HERC4: variants seen among roughly 807,000 people sequenced by gnomAD.
The protein encoded by HERC4 is HECT and RLD domain containing E3 ubiquitin protein ligase 4, also known as probable E3 ubiquitin-protein ligase HERC4.
Under a neutral mutation model 124.3 loss-of-function variants are expected in HERC4, and 28 were observed. The observed-to-expected ratio is 0.23, with a 90% CI of 0.17 to 0.31. The LOEUF is 0.31. Among genes scored for constraint, HERC4 ranks in the 10% least tolerant of loss-of-function variants. The pLI, the probability that HERC4 is intolerant of heterozygous loss-of-function variation, is 1.00. For synonymous variants in HERC4, 407 were observed against 421.5 expected, an observed-to-expected ratio of 0.97 and a Z score of 0.42; for missense variants, 713 against 1,229.3, an observed-to-expected ratio of 0.58 and a Z score of 6.28.
intron 15 of HERC4, among the ~76,000 whole-genome samples, chr10:67,976,734 T>G (rs998387969): frequency 1.3e-5 from 2 of 152,174 alleles, no homozygotes; most frequent in African/African-American, 4.8e-5. Context: ...AGCATTTCTG[T>G]GCACCGGGGA....
intron 16 of HERC4, among the ~76,000 whole-genome samples, chr10:67,963,431 G>A (rs949871617): frequency 6.6e-6 from 1 of 152,096 alleles, no homozygotes; most frequent in Non-Finnish European, 1.5e-5. Context: ...TGGCCAGACT[G>A]GTCTAGAACT....
At chr10:68,066,031 A>AT (rs1822671364) in intron 3 of HERC4, among the ~76,000 whole-genome samples, 1 of 152,126 alleles carries the variant, frequency 6.6e-6, no homozygotes, top group South Asian at 2.1e-4. Flanking sequence ...CCATGAGCTC[A>AT]TTAATATAGT....
At chr10:67,985,757 G>A (rs1326473937) in intron 15 of HERC4, among the ~76,000 whole-genome samples, 2 of 152,128 alleles carry the variant, frequency 1.3e-5, no homozygotes, top group African/African-American at 2.4e-5. Flanking sequence ...AGGTACCAAA[G>A]GTATTTTCTT....
intron 3 of HERC4, among the ~76,000 whole-genome samples, chr10:68,048,388 T>G (rs375033055): frequency 2.6e-5 from 4 of 152,232 alleles, no homozygotes; most frequent in South Asian, 4.1e-4. Context: ...GAAATTTACT[T>G]AATAGTAAAA....
rs527596680 is a variant in HERC4, at chr10:67,996,988, GAAAAAAAAAAGA to G, written c.1070-4318_1070-4307del. On this transcript the variant is annotated intron_variant, in intron 9 of 24. Coordinates refer to ENST00000373700, the MANE Select transcript of HERC4 (RefSeq NM_015601.4). The stretch of plus-strand genomic sequence containing the variant: ...GGGTGACAGAGCAAGACTCCGTCTC[GAAAAAAAAAAGA>G]AAAAAAAAGAAAATCATTATGACTT... Among the ~76,000 whole-genome samples the G allele has an allele frequency of 8.5e-3, 1,216 of 143,462 alleles. 7 individuals carry two copies. Among genetic ancestry groups the G allele is most frequent in the Non-Finnish European group, 0.013 (877 of 66,646 alleles). 94.1% of individuals were successfully genotyped at this position (143,462 alleles called of 152,430 possible).
In HERC4 at chr10:67,943,121, C is replaced by G. The variant is rs184467000; in HGVS notation, c.2338-2016G>C. ...GTCATATTTGTTACATACAACCCAG[C>G]CTGTTACATGCTTTTCAATTTTATG... On this transcript the variant is annotated intron_variant, in intron 19 of 24. Transcript: ENST00000373700. Among the ~76,000 whole-genome samples the G allele has an allele frequency of 7.2e-5, 11 of 152,260 alleles. No homozygotes were observed. In the East Asian group the frequency reaches 2.1e-3, roughly 29 times the overall value.
rs1323491593 is a variant in HERC4 at position 68,014,107 on chromosome 10, C to T, written c.988G>A (p.Gly330Ser). Reference sequence around the variant, plus strand: ...GGGCTTTTCCTGTTGCTTGTTGAACCGGTTCCCAGCTGCCCATTACCACCA... The same window carrying T: ...GGGCTTTTCCTGTTGCTTGTTGAACTGGTTCCCAGCTGCCCATTACCACCA... ...GLGGNGQLGTGSTSNRKSPFT... is the reference protein window; with the variant it reads ...GLGGNGQLGTSSTSNRKSPFT... Residue 330 changes from glycine to serine, a missense_variant, in exon 9 of 25, where the codon GGT (glycine) becomes AGT (serine). Transcript: ENST00000373700. 1.9e-6 allele frequency: 3 copies of T among 1,613,594 alleles called. No individual in the cohort carries two copies. The highest frequency in any genetic ancestry group is 2.5e-6 in the Non-Finnish European group (3 of 1,179,756).
intron 9 of HERC4, among the ~76,000 whole-genome samples, chr10:67,997,588 T>G (rs1199240769): frequency 6.6e-6 from 1 of 152,156 alleles, no homozygotes; most frequent in African/African-American, 2.4e-5. Context: ...ATAGATCTGT[T>G]TGAAGCTTTA....
chr10:68,026,285 G>C (rs1182957728), intron 7 of HERC4, among the ~76,000 whole-genome samples: 1 of 151,940 alleles, frequency 6.6e-6, no homozygotes, highest in Non-Finnish European at 1.5e-5. Flanking sequence ...TTGTAGAGAT[G>C]GGGTTTTCCT....
chr10:68,050,993 A>C (rs971372206), intron 3 of HERC4, among the ~76,000 whole-genome samples: 4 of 152,090 alleles, frequency 2.6e-5, no homozygotes, highest in Admixed American at 6.6e-5. Context: ...TCCAGGTACT[A>C]TCACCAAAGT....
chr10:67,927,408 ATATATATATATATATATATATATTTT>A (rs1341770508), intron 23 of HERC4, among the ~76,000 whole-genome samples: 4 of 9,462 alleles, frequency 4.2e-4, no homozygotes, highest in African/African-American at 1.1e-3. Flanking sequence ...ATATATATAT[ATATATATATATATATATATATATTTT>A]TTTTTTTTTT....
intron 5 of HERC4, among the ~76,000 whole-genome samples, chr10:68,037,834 T>G (rs1348820124): frequency 6.6e-6 from 1 of 152,192 alleles, no homozygotes; most frequent in Non-Finnish European, 1.5e-5. Context: ...ATTGAAAGGT[T>G]CAATACTGTA....
intron 15 of HERC4, among the ~76,000 whole-genome samples, chr10:67,971,855 G>A (rs2035254069): frequency 6.6e-6 from 1 of 152,110 alleles, no homozygotes; most frequent in South Asian, 2.1e-4. Context: ...CAATCTATAA[G>A]AGAATTACCA....
At chr10:68,019,350 A>G (rs1237038322) in intron 8 of HERC4, among the ~76,000 whole-genome samples, 2 of 152,138 alleles carry the variant, frequency 1.3e-5, no homozygotes, top group African/African-American at 4.8e-5. Context: ...TTTACCCCAA[A>G]TAGAAGAAGT....
chr10:67,996,089 T>C (rs780446104), intron 9 of HERC4: 5 of 435,414 alleles, frequency 1.1e-5, no homozygotes, highest in South Asian at 8.3e-5. Flanking sequence ...GAGGATCACT[T>C]GAGCCCAGGA....
chr10:67,948,249 G>A (rs560621560), intron 19 of HERC4, among the ~76,000 whole-genome samples: 116 of 152,028 alleles, frequency 7.6e-4, no homozygotes, highest in African/African-American at 2.6e-3. Context: ...AAATATTAAA[G>A]CAGTGATAAA....
chr10:68,020,563 G>A (rs1194586773), intron 8 of HERC4, among the ~76,000 whole-genome samples: 1 of 151,844 alleles, frequency 6.6e-6, no homozygotes, highest in Non-Finnish European at 1.5e-5. Context: ...TCAGGAGATC[G>A]AGACCACCCC....
chr10:68,059,778 T>TATATATCATAATATTATATATC, intron 3 of HERC4, among the ~76,000 whole-genome samples: 1 of 73,580 alleles, frequency 1.4e-5, no homozygotes, highest in Admixed American at 2.5e-4. Flanking sequence ...TATTATATAT[T>TATATATCATAATATTATATATC]ATAATATTAT....
At chr10:68,019,855 T>A (rs1410932739) in intron 8 of HERC4, among the ~76,000 whole-genome samples, 3 of 152,198 alleles carry the variant, frequency 2.0e-5, no homozygotes, top group Non-Finnish European at 1.5e-5. Flanking sequence ...TTGGTGCTTC[T>A]GATCACCAAG....
Sources: allele counts gnomAD v4.1 joint callset (sites outside exome capture counted in the v4.1 genomes callset), GRCh38; gene constraint gnomAD v4.1.1; transcripts MANE v1.5; gene names NCBI Gene and HGNC (gene_info 2026-07-23, HGNC 2026-07-21).